CEP83: variants seen among roughly 807,000 people sequenced by gnomAD.
CEP83 encodes centrosomal protein of 83 kDa.
A neutral mutation model predicts 101.9 loss-of-function variants in CEP83; 70 were observed. The ratio of observed to expected loss-of-function variants is 0.69; its 90% CI spans 0.57 to 0.84. CEP83 has a LOEUF of 0.84. Ranked by LOEUF, CEP83 falls within the 40% of genes least tolerant of loss-of-function variation. The pLI, the probability that CEP83 is intolerant of heterozygous loss-of-function variation, is 0.00. For missense variants in CEP83, 715 were observed against 787.2 expected, an observed-to-expected ratio of 0.91 and a Z score of 1.10; for synonymous variants, 264 against 267.9, an observed-to-expected ratio of 0.99 and a Z score of 0.14.
At chr12:94,295,591 G>C in the CEP83 span, among the ~76,000 whole-genome samples, 1 of 152,140 alleles carries the variant, frequency 6.6e-6, no homozygotes, top group Non-Finnish European at 1.5e-5. Flanking sequence ...CTTACACCCT[G>C]CTAATACTCT....
chr12:94,309,244 T>C (rs1158763951), intron 16 of CEP83, among the ~76,000 whole-genome samples: 2 of 152,222 alleles, frequency 1.3e-5, no homozygotes, highest in African/African-American at 4.8e-5. Context: ...CAGCAGTTTA[T>C]TATAAACAAA....
Position 94,308,619 on chromosome 12 carries a change from CT to C in CEP83, c.*193del, listed in dbSNP as rs1236913725. On this transcript the variant is annotated 3_prime_UTR_variant, in exon 17 of 17. Coordinates refer to ENST00000397809, the MANE Select transcript of CEP83 (RefSeq NM_016122.3). ...ATTCTAAATATCTCTGAGAATTTCT[CT>C]TTTAATGCTTCACTTGTATAATCTT... 2.6e-6 allele frequency: 1 copy of C among 383,360 alleles called. No individual in the cohort carries two copies. Among genetic ancestry groups the C allele is most frequent in the African/African-American group, 2.1e-5 (1 of 48,028 alleles). 23.7% of individuals were successfully genotyped at this position (383,360 alleles called of 1,614,324 possible). A position where few individuals can be genotyped will look rare whatever the true frequency, so the allele number is the denominator to read the frequency against.
intron 6 of CEP83, among the ~76,000 whole-genome samples, chr12:94,388,000 A>G (rs1240149317): frequency 6.6e-6 from 1 of 152,266 alleles, no homozygotes; most frequent in Non-Finnish European, 1.5e-5. Flanking sequence ...AAATTAGTTC[A>G]GCCACTGTGG....
At position 94,412,586 on chromosome 12, in the gene CEP83, T is replaced by C; in HGVS notation, c.-96A>G. ...TAAGGCAGAATCTCAGGAAGCCAAA[T>C]TATACCTGCACAGAGAAATAAACAT... On this transcript the variant is annotated 5_prime_UTR_variant, in exon 3 of 17. Coordinates refer to ENST00000397809, the MANE Select transcript of CEP83 (RefSeq NM_016122.3). 1 of 960,510 alleles carries C rather than the reference T, an allele frequency of 1.0e-6. No homozygotes were observed. The highest frequency in any genetic ancestry group is 1.6e-6 in the Non-Finnish European group (1 of 619,228). The allele number at this position is 960,510 out of a possible 1,614,324, so 59.5% of individuals were successfully genotyped here.
At position 94,331,788 on chromosome 12, in the gene CEP83, T is replaced by A; in HGVS notation, c.1619A>T (p.His540Leu). 1 of 1,613,380 alleles carries A rather than the reference T, an allele frequency of 6.2e-7. No individual in the cohort carries two copies. Among genetic ancestry groups the A allele is most frequent in the Non-Finnish European group, 8.5e-7 (1 of 1,179,244 alleles). ...EKQIQWLEEK[H>L]KLHERITDRE... Reference sequence around the variant, plus strand: ...GTCTGTGATACGCTCATGAAGCTTATGCTTTTCTTCCAACCACTGTATCTG... The same window carrying A: ...GTCTGTGATACGCTCATGAAGCTTAAGCTTTTCTTCCAACCACTGTATCTG... Residue 540 changes from histidine (H) to leucine (L), a missense_variant, in exon 14 of 17, where the codon CAT becomes CTT. His to Leu is a moderately conservative substitution (Grantham distance 99, BLOSUM62 -3). Coordinates refer to ENST00000397809, the MANE Select transcript of CEP83 (RefSeq NM_016122.3).
chr12:94,336,544 C>A (rs986568635), intron 11 of CEP83, among the ~76,000 whole-genome samples: 2 of 152,162 alleles, frequency 1.3e-5, no homozygotes, highest in African/African-American at 4.8e-5. Flanking sequence ...CATTTGTTGG[C>A]AGACTGAACG....
chr12:94,368,368 A>T, intron 9 of CEP83, 167 bp from the exon 10 acceptor site: 2 of 573,632 alleles, frequency 3.5e-6, no homozygotes, highest in Non-Finnish European at 5.9e-6. Flanking sequence ...TCTTAAAATA[A>T]GAATGAAACA....
chr12:94,432,411 A>G (rs966269966), intron 2 of CEP83, among the ~76,000 whole-genome samples: 1 of 152,130 alleles, frequency 6.6e-6, no homozygotes, highest in East Asian at 1.9e-4. Flanking sequence ...AATACTATTC[A>G]GCTATGAGAA....
chr12:94,316,344 AT>A, intron 14 of CEP83, among the ~76,000 whole-genome samples: 2 of 152,312 alleles, frequency 1.3e-5, no homozygotes, highest in East Asian at 3.9e-4. Context: ...AATTTTAAAA[AT>A]TCATATTAAT....
chr12:94,379,015 C>G lies in CEP83; in HGVS notation c.577G>C (p.Glu193Gln), dbSNP rs751228699. The change falls in exon 7 of 17, where the codon GAA becomes CAA. Residue 193 changes from glutamate (E) to glutamine (Q), a missense_variant. Glu to Gln is a conservative substitution (Grantham distance 29). Coordinates refer to ENST00000397809, the MANE Select transcript of CEP83 (RefSeq NM_016122.3). ...ACATTAAGCAGCTGGTTACGTAGTT[C>G]TTCTTTATCTTCCTCCAGTCTTGCA... Reference protein sequence around the residue: ...EIARLEEDKEELRNQLLNVDL... With the variant: ...EIARLEEDKEQLRNQLLNVDL... The G allele has an allele frequency of 1.2e-6, 2 of 1,609,838 alleles. No individual in the cohort carries two copies. The highest frequency in any genetic ancestry group is 1.7e-5 in the Admixed American group (1 of 59,692).
chr12:94,311,567 G>A (rs983054069), intron 15 of CEP83, among the ~76,000 whole-genome samples: 1 of 152,142 alleles, frequency 6.6e-6, no homozygotes, highest in Non-Finnish European at 1.5e-5. Flanking sequence ...CACCTAGCTC[G>A]TGTCCACTGG....
At chr12:94,284,794 C>G in the CEP83 span, among the ~76,000 whole-genome samples, 1 of 152,100 alleles carries the variant, frequency 6.6e-6, no homozygotes, top group Non-Finnish European at 1.5e-5. Context: ...GCAGATCACA[C>G]AGATGGGGGC....
rs567769047 is a variant in CEP83, at chr12:94,358,423, A to T, written c.1343+9371T>A. 3.9e-5 allele frequency among the ~76,000 whole-genome samples: 6 copies of T among 152,328 alleles called. 1 individual carries two copies. The highest frequency in any genetic ancestry group is 9.6e-5 in the African/African-American group (4 of 41,568). ...AGTTCCCGCCAAACATTAGGGAAAA[A>T]TTTTTGATGGCAGCCATTGTTAAGC... On this transcript the variant is annotated intron_variant, in intron 11 of 16. Transcript: ENST00000397809.
At chr12:94,357,463 G>A (rs1221472256) in intron 11 of CEP83, among the ~76,000 whole-genome samples, 2 of 152,220 alleles carry the variant, frequency 1.3e-5, no homozygotes, top group Non-Finnish European at 2.9e-5. Context: ...GGGCTAGTCA[G>A]TGTCACTCTA....
downstream of CEP83, chr12:94,305,251 T>C: frequency 6.2e-7 from 1 of 1,611,192 alleles, no homozygotes; most frequent in South Asian, 1.1e-5. Flanking sequence ...GTAAAAGTCT[T>C]ATTTGATGAA....
intron 1 of CEP83, among the ~76,000 whole-genome samples, chr12:94,444,364 C>T (rs945598902): frequency 1.3e-5 from 2 of 152,162 alleles, no homozygotes; most frequent in Non-Finnish European, 2.9e-5. Context: ...GGCCATTGTA[C>T]TCCAGCCTGG....
At chr12:94,294,680 T>C in the CEP83 span, 1 of 565,406 alleles carries the variant, frequency 1.8e-6, no homozygotes, top group East Asian at 3.0e-5. Flanking sequence ...AAAAGTCATT[T>C]TGATCTCTTT....
At chr12:94,427,229 G>A (rs150712729) in intron 2 of CEP83, among the ~76,000 whole-genome samples, 8 of 152,154 alleles carry the variant, frequency 5.3e-5, no homozygotes, top group Middle Eastern at 3.4e-3. Context: ...ACAATAAAAC[G>A]TCTCCTACTG....
the CEP83 span, chr12:94,277,218 G>C: frequency 6.6e-6 from 1 of 152,148 alleles, no homozygotes; most frequent in African/African-American, 2.4e-5. Flanking sequence ...AAAGGGCAGG[G>C]CAGCTCTCTG....
Sources: allele counts gnomAD v4.1 joint callset (sites outside exome capture counted in the v4.1 genomes callset), GRCh38; gene constraint gnomAD v4.1.1; transcripts MANE v1.5; gene names NCBI Gene and HGNC (gene_info 2026-07-23, HGNC 2026-07-21).